The following GTF2F2 variants were observed in gnomAD, a reference collection of about 807,000 sequenced individuals.
GTF2F2 encodes ATP-dependent helicase GTF2F2.
A neutral mutation model predicts 42.2 loss-of-function variants in GTF2F2; 23 were observed. That is an observed-to-expected ratio of 0.55 (90% confidence interval 0.39 to 0.77). GTF2F2 has a LOEUF of 0.77. Among genes scored for constraint, GTF2F2 ranks in the 30% least tolerant of loss-of-function variants. The pLI, the probability that GTF2F2 is intolerant of heterozygous loss-of-function variation, is 0.00. For missense variants in GTF2F2, 261 were observed against 287.2 expected, an observed-to-expected ratio of 0.91 and a Z score of 0.66; for synonymous variants, 105 against 100.8, an observed-to-expected ratio of 1.04 and a Z score of -0.25.
chr13:45,146,063 T>G (rs1357524838), intron 2 of GTF2F2, among the ~76,000 whole-genome samples: 3 of 152,124 alleles, frequency 2.0e-5, no homozygotes, highest in Non-Finnish European at 4.4e-5. Context: ...GCTTGCCTGC[T>G]TCACCCCAGT....
intron 1 of GTF2F2, among the ~76,000 whole-genome samples, chr13:45,129,989 G>A (rs956619010): frequency 2.6e-5 from 4 of 152,210 alleles, no homozygotes; most frequent in Admixed American, 1.3e-4. Flanking sequence ...CAGCAAATGC[G>A]TCTTTAGATG....
intron 5 of GTF2F2, among the ~76,000 whole-genome samples, chr13:45,208,557 G>T (rs1485517455): frequency 6.6e-6 from 1 of 152,166 alleles, no homozygotes; most frequent in Non-Finnish European, 1.5e-5. Flanking sequence ...ACCTTCCATT[G>T]TCGCAGATTG....
intron 4 of GTF2F2, among the ~76,000 whole-genome samples, chr13:45,185,223 G>T (rs895627026): frequency 1.3e-5 from 2 of 151,992 alleles, no homozygotes; most frequent in Non-Finnish European, 2.9e-5. Flanking sequence ...TTTTTCTTCT[G>T]TCTTATTAAG....
chr13:45,181,058 T>A (rs1325963773), intron 4 of GTF2F2, among the ~76,000 whole-genome samples: 1 of 151,716 alleles, frequency 6.6e-6, no homozygotes, highest in African/African-American at 2.4e-5. Flanking sequence ...TTCCAGCTAT[T>A]CAGGAGGCTG....
intron 3 of GTF2F2, among the ~76,000 whole-genome samples, chr13:45,150,273 G>T (rs544411518): frequency 1.3e-5 from 2 of 152,164 alleles, no homozygotes; most frequent in South Asian, 2.1e-4. Context: ...GGGAGATCTG[G>T]TATATAATAA....
intron 5 of GTF2F2, among the ~76,000 whole-genome samples, chr13:45,244,377 G>C (rs1034306021): frequency 3.9e-5 from 6 of 152,142 alleles, no homozygotes; most frequent in Non-Finnish European, 8.8e-5. Flanking sequence ...AAATGATATT[G>C]AGATGATATA....
chr13:45,131,922 G>GAAAA (rs1869376034), intron 1 of GTF2F2, among the ~76,000 whole-genome samples: 1 of 107,268 alleles, frequency 9.3e-6, no homozygotes, highest in African/African-American at 3.8e-5. Flanking sequence ...AAAAAAAAAA[G>GAAAA]AGAGAGAGAG....
At chr13:45,218,773 G>A (rs1287654111) in intron 5 of GTF2F2, among the ~76,000 whole-genome samples, 1 of 152,184 alleles carries the variant, frequency 6.6e-6, no homozygotes, top group Non-Finnish European at 1.5e-5. Context: ...ATTGTTAAAT[G>A]CTGTTAATCA....
chr13:45,121,898 G>A (rs964354390), intron 1 of GTF2F2, among the ~76,000 whole-genome samples: 5 of 149,708 alleles, frequency 3.3e-5, no homozygotes, highest in African/African-American at 1.3e-4. Context: ...CTTGGGGGGA[G>A]AGTCACTAAG....
intron 2 of GTF2F2, among the ~76,000 whole-genome samples, chr13:45,141,427 A>G (rs1264327768): frequency 3.3e-5 from 5 of 152,142 alleles, no homozygotes; most frequent in South Asian, 2.1e-4. Context: ...TTTGCCTGGA[A>G]CCCTCCCAGT....
chr13:45,138,234 T>C (rs1869737280), intron 2 of GTF2F2, among the ~76,000 whole-genome samples: 1 of 152,188 alleles, frequency 6.6e-6, no homozygotes, highest in Non-Finnish European at 1.5e-5. Flanking sequence ...TTTTCTCTCT[T>C]TTCACTTCCT....
At chr13:45,213,017 C>T (rs1324121346) in intron 5 of GTF2F2, among the ~76,000 whole-genome samples, 1 of 152,118 alleles carries the variant, frequency 6.6e-6, no homozygotes, top group African/African-American at 2.4e-5. Flanking sequence ...GCTGGGGTTA[C>T]AGGCGTGAGC....
intron 2 of GTF2F2, among the ~76,000 whole-genome samples, chr13:45,140,007 G>A (rs1459545471): frequency 6.6e-6 from 1 of 152,114 alleles, no homozygotes; most frequent in Non-Finnish European, 1.5e-5. Flanking sequence ...AACTAATACA[G>A]TGTAAAAACT....
At chr13:45,121,046 C>T (rs1449615733) in intron 1 of GTF2F2, among the ~76,000 whole-genome samples, 1 of 152,150 alleles carries the variant, frequency 6.6e-6, no homozygotes, top group African/African-American at 2.4e-5. Flanking sequence ...CTTGTATCTT[C>T]CCTTGGTGAA....
At chr13:45,273,248 A>T (rs1238023559) in intron 7 of GTF2F2, among the ~76,000 whole-genome samples, 1 of 151,196 alleles carries the variant, frequency 6.6e-6, no homozygotes, top group Non-Finnish European at 1.5e-5. Context: ...ATTTTTTAAA[A>T]TTTTTTTTGT....
chr13:45,191,224 A>AAAAAAAAAATATATATATATATATATAT, intron 4 of GTF2F2, among the ~76,000 whole-genome samples: 11 of 75,298 alleles, frequency 1.5e-4, no homozygotes, highest in Non-Finnish European at 2.0e-4. Flanking sequence ...ACAAAAAAAA[A>AAAAAAAAAATATATATATATATATATAT]ATATATATAT....
At chr13:45,197,904 A>C (rs1191044299) in intron 4 of GTF2F2, among the ~76,000 whole-genome samples, 1 of 152,354 alleles carries the variant, frequency 6.6e-6, no homozygotes, top group East Asian at 1.9e-4. Flanking sequence ...TTTAAACCAC[A>C]CATGTCAAAG....
At chr13:45,216,522 T>C (rs1873895878) in intron 5 of GTF2F2, among the ~76,000 whole-genome samples, 2 of 152,054 alleles carry the variant, frequency 1.3e-5, no homozygotes, top group South Asian at 4.1e-4. Flanking sequence ...TGTTTTTTTG[T>C]TTTTTTGTTT....
intron 5 of GTF2F2, among the ~76,000 whole-genome samples, chr13:45,224,145 G>A (rs1014104416): frequency 7.9e-5 from 12 of 152,322 alleles, no homozygotes; most frequent in South Asian, 2.1e-4. Flanking sequence ...ATCAAGAAGA[G>A]TAGGATTATT....
Sources: allele counts gnomAD v4.1 joint callset (sites outside exome capture counted in the v4.1 genomes callset), GRCh38; gene constraint gnomAD v4.1.1; transcripts MANE v1.5; gene names NCBI Gene and HGNC (gene_info 2026-07-23, HGNC 2026-07-21).